The following KIF26B variants were observed in gnomAD, a reference collection of about 807,000 sequenced individuals.
KIF26B encodes kinesin family member 26B, also known as kinesin-like protein KIF26B.
KIF26B carries 63 observed loss-of-function variants against 151.2 expected under a neutral mutation model. That is an observed-to-expected ratio of 0.42 (90% CI 0.34 to 0.51). The LOEUF (loss-of-function observed/expected upper bound fraction) is 0.51. Among genes scored for constraint, KIF26B ranks in the 20% least tolerant of loss-of-function variants. The pLI is 0.07. For missense variants in KIF26B, 2,813 were observed against 2,913.6 expected (o/e 0.97, Z 0.79); for synonymous variants, 1,357 against 1,262.1 (o/e 1.08, Z -1.59).
At chr1:245,199,396 A>G (rs1341380368) in intron 2 of KIF26B, among the ~76,000 whole-genome samples, 1 of 151,816 alleles carries the variant, frequency 6.6e-6, no homozygotes, top group Non-Finnish European at 1.5e-5. Flanking sequence ...GGGAGAATTC[A>G]GGTTGCTTCT....
intron 12 of KIF26B, among the ~76,000 whole-genome samples, chr1:245,695,819 TACCTTCTCTACTCCCA>T (rs1440492864): frequency 1.1e-4 from 3 of 27,206 alleles, no homozygotes; most frequent in Non-Finnish European, 5.9e-4. Context: ...CAGGTGTTTT[TACCTTCTCTACTCCCA>T]GCTCACACGG....
At chr1:245,270,244 C>T (rs1670831266) in intron 2 of KIF26B, among the ~76,000 whole-genome samples, 2 of 127,378 alleles carry the variant, frequency 1.6e-5, no homozygotes, top group Non-Finnish European at 3.4e-5. Flanking sequence ...CCTTTCCTTT[C>T]TTCTTCCCTT....
In KIF26B at chr1:245,683,401, A is replaced by G. The variant is rs151328481; in HGVS notation, c.2259-832A>G. Among the ~76,000 whole-genome samples the G allele has an allele frequency of 2.5e-3, 379 of 152,352 alleles. 2 individuals carry two copies. The highest frequency in any genetic ancestry group is 8.7e-3 in the African/African-American group (361 of 41,584). On this transcript the variant is annotated intron_variant, in intron 10 of 14. Coordinates refer to ENST00000407071, the MANE Select transcript of KIF26B (RefSeq NM_018012.4). ...TATGAGTGCTGTTGATGAAATAAACAGAGGCCTTTAAAAGCAAGGCAGGAA... is the reference window on the plus strand; with the variant it reads ...TATGAGTGCTGTTGATGAAATAAACGGAGGCCTTTAAAAGCAAGGCAGGAA...
At chr1:245,638,747 A>G (rs904873274) in intron 9 of KIF26B, among the ~76,000 whole-genome samples, 12 of 151,780 alleles carry the variant, frequency 7.9e-5, no homozygotes, top group African/African-American at 2.9e-4. Context: ...AGTAATTCAT[A>G]TATTTTCCTT....
At chr1:245,507,948 T>G (rs139641470) in intron 4 of KIF26B, among the ~76,000 whole-genome samples, 1 of 152,154 alleles carries the variant, frequency 6.6e-6, no homozygotes, top group Non-Finnish European at 1.5e-5. Flanking sequence ...TTTTCATACA[T>G]TGGGGCTTAA....
intron 2 of KIF26B, among the ~76,000 whole-genome samples, chr1:245,298,997 A>G (rs1207567911): frequency 6.6e-6 from 1 of 152,166 alleles, no homozygotes; most frequent in Non-Finnish European, 1.5e-5. Flanking sequence ...GCCTTTGCTT[A>G]ATGTTCTACA....
At chr1:245,431,640 A>G (rs1286557456) in intron 4 of KIF26B, among the ~76,000 whole-genome samples, 1 of 150,494 alleles carries the variant, frequency 6.6e-6, no homozygotes, top group African/African-American at 2.5e-5. Context: ...CACTGCGCCC[A>G]GCCAATTTTT....
intron 4 of KIF26B, among the ~76,000 whole-genome samples, chr1:245,483,072 A>G (rs1660203676): frequency 6.6e-6 from 1 of 151,714 alleles, no homozygotes; most frequent in South Asian, 2.1e-4. Context: ...AAGTTGGGGA[A>G]GCAGGTGCCG....
At chr1:245,658,073 T>C (rs2044093243) in intron 10 of KIF26B, among the ~76,000 whole-genome samples, 1 of 152,228 alleles carries the variant, frequency 6.6e-6, no homozygotes, top group Non-Finnish European at 1.5e-5. Context: ...CCTAAGTATG[T>C]GTCCCCCCAA....
At chr1:245,550,637 C>T (rs969516841) in intron 5 of KIF26B, among the ~76,000 whole-genome samples, 2 of 152,212 alleles carry the variant, frequency 1.3e-5, no homozygotes, top group African/African-American at 4.8e-5. Flanking sequence ...GAGATTGGTG[C>T]AGTCAGTATT....
intron 3 of KIF26B, among the ~76,000 whole-genome samples, chr1:245,418,184 G>A (rs892461849): frequency 6.6e-6 from 1 of 152,296 alleles, no homozygotes; most frequent in South Asian, 2.1e-4. Flanking sequence ...GCCAGTGGAC[G>A]GGAGCCCGCA....
At chr1:245,605,002 G>A (rs1038015030) in intron 6 of KIF26B, among the ~76,000 whole-genome samples, 16 of 152,086 alleles carry the variant, frequency 1.1e-4, no homozygotes, top group African/African-American at 2.4e-4. Flanking sequence ...GATTCCCCCC[G>A]TTAACCTCTC....
intron 5 of KIF26B, among the ~76,000 whole-genome samples, chr1:245,561,977 G>A (rs771166069): frequency 1.3e-5 from 2 of 152,218 alleles, no homozygotes; most frequent in East Asian, 1.9e-4. Flanking sequence ...GGATGCTGAA[G>A]GGCACTCTTC....
chr1:245,631,318 TGA>T (rs2043778910), intron 9 of KIF26B, among the ~76,000 whole-genome samples: 1 of 152,254 alleles, frequency 6.6e-6, no homozygotes. Context: ...CCTAACTTAT[TGA>T]GAGTTTTTAT....
chr1:245,687,135 C>T lies in KIF26B; in HGVS notation c.4152C>T (p.Tyr1384=). The change falls in exon 12 of 15, where the codon TAC becomes TAT. Residue 1384 remains tyrosine (Y), a synonymous_variant. Coordinates refer to ENST00000407071, the MANE Select transcript of KIF26B (RefSeq NM_018012.4). This position sits in a 1 kb window ranked among gnomAD's most constrained non-coding sequence, Gnocchi z 4.9. The part of the protein sequence containing the change: ...NTANLSSCEG[Y]IPMKTNITVY... ...CCAATCTGAGCAGCTGCGAGGGGTA[C>T]ATCCCCATGAAGACCAATATCACAG... The T allele has an allele frequency of 6.2e-7, 1 of 1,613,354 alleles. No homozygotes were observed. The highest frequency in any genetic ancestry group is 8.5e-7 in the Non-Finnish European group (1 of 1,179,816).
At position 245,282,274 on chromosome 1, in the gene KIF26B, C is replaced by T. The variant is rs889391081; in HGVS notation, c.466-84560C>T. Among the ~76,000 whole-genome samples the T allele has an allele frequency of 1.2e-4, 18 of 152,122 alleles. 1 individual carries two copies. The highest frequency in any genetic ancestry group is 3.6e-4 in the African/African-American group (15 of 41,416). ...AAGTTCATATGGAACCAAAAAAGAGCCCGCATTGCCAAGTCAATCCTAAGC... is the reference window on the plus strand; with the variant it reads ...AAGTTCATATGGAACCAAAAAAGAGTCCGCATTGCCAAGTCAATCCTAAGC... On this transcript the variant is annotated intron_variant, in intron 2 of 14. Coordinates refer to ENST00000407071, the MANE Select transcript of KIF26B (RefSeq NM_018012.4).
chr1:245,200,134 C>T (rs1289445610), intron 2 of KIF26B, among the ~76,000 whole-genome samples: 1 of 152,182 alleles, frequency 6.6e-6, no homozygotes, highest in African/African-American at 2.4e-5. Context: ...TCTTTAGTGG[C>T]TTATTTGTGT....
At chr1:245,450,749 C>G (rs1659371006) in intron 4 of KIF26B, among the ~76,000 whole-genome samples, 1 of 152,054 alleles carries the variant, frequency 6.6e-6, no homozygotes, top group Admixed American at 6.5e-5. Flanking sequence ...AGGACATTAG[C>G]TTTTCTTTGA....
chr1:245,488,461 G>T lies in KIF26B; in HGVS notation c.1167-52306G>T, dbSNP rs1468578169. ...GTAGGATTGTTTCAGAGGATATGAA[G>T]GACAAGGGACTGAGCCATGACACCT... On this transcript the variant is annotated intron_variant, in intron 4 of 14. Transcript: ENST00000407071. The surrounding 1 kb of genome is among the most constrained non-coding windows in gnomAD (Gnocchi z 4.6). Among the ~76,000 whole-genome samples the T allele has an allele frequency of 6.6e-6, 1 of 152,156 alleles. No homozygotes were observed. The highest frequency in any genetic ancestry group is 6.5e-5 in the Admixed American group (1 of 15,280).
Sources: allele counts gnomAD v4.1 joint callset (sites outside exome capture counted in the v4.1 genomes callset), GRCh38; gene constraint gnomAD v4.1.1; non-coding constraint Gnocchi (gnomAD v3.1); transcripts MANE v1.5; gene names NCBI Gene and HGNC (gene_info 2026-07-23, HGNC 2026-07-21).